Variants in FNDC3A observed in about 807,000 individuals in gnomAD.
FNDC3A encodes the protein fibronectin type III domain containing 3A.
A neutral mutation model predicts 148.9 loss-of-function variants in FNDC3A; 32 were observed. The observed-to-expected ratio is 0.21, with a 90% CI of 0.16 to 0.29. The LOEUF (loss-of-function observed/expected upper bound fraction) is 0.29. FNDC3A is among the 10% of genes least tolerant of loss of function. The pLI, the probability that FNDC3A is intolerant of heterozygous loss-of-function variation, is 1.00. For missense variants in FNDC3A, 1,191 were observed against 1,452.8 expected (o/e 0.82, Z 2.93); for synonymous variants, 472 against 473.6 (o/e 1.00, Z 0.04).
chr13:49,004,513 T>C (rs980021451), intron 1 of FNDC3A, among the ~76,000 whole-genome samples: 2 of 152,028 alleles, frequency 1.3e-5, no homozygotes, highest in Admixed American at 1.3e-4. Context: ...AAATATAGCA[T>C]GTGGCTCTAT....
chr13:49,049,206 T>A (rs1875641228), intron 2 of FNDC3A, among the ~76,000 whole-genome samples: 1 of 152,224 alleles, frequency 6.6e-6, no homozygotes, highest in Non-Finnish European at 1.5e-5. Flanking sequence ...TGGATTTGTT[T>A]AGCTAGTATT....
intron 14 of FNDC3A, among the ~76,000 whole-genome samples, chr13:49,180,822 G>C (rs965120082): frequency 3.3e-5 from 5 of 151,890 alleles, no homozygotes; most frequent in Non-Finnish European, 7.4e-5. Context: ...TTGAACCTGG[G>C]AGGCAAATGT....
intron 5 of FNDC3A, among the ~76,000 whole-genome samples, chr13:49,134,841 CTTTTTTTTT>C (rs1168216037): frequency 3.8e-4 from 1 of 2,636 alleles, no homozygotes; most frequent in African/African-American, 1.8e-3. Context: ...GAGTTTCACT[CTTTTTTTTT>C]TTTTTTTTTT....
chr13:49,144,462 A>T (rs1240788219), intron 7 of FNDC3A, among the ~76,000 whole-genome samples: 1 of 152,222 alleles, frequency 6.6e-6, no homozygotes, highest in Non-Finnish European at 1.5e-5. Flanking sequence ...TTAATTCAAG[A>T]TAGGAGTAAT....
At chr13:49,072,232 A>G (rs1441560965) in intron 2 of FNDC3A, among the ~76,000 whole-genome samples, 1 of 152,138 alleles carries the variant, frequency 6.6e-6, no homozygotes, top group Non-Finnish European at 1.5e-5. Flanking sequence ...TCTTCTGCCT[A>G]ATAGAAAACC....
intron 2 of FNDC3A, among the ~76,000 whole-genome samples, chr13:49,054,877 T>A (rs1230443270): frequency 6.6e-6 from 1 of 152,160 alleles, no homozygotes; most frequent in African/African-American, 2.4e-5. Flanking sequence ...TTTCTAACTT[T>A]ATTTTTTTTT....
At chr13:49,040,469 A>G (rs900830321) in intron 2 of FNDC3A, among the ~76,000 whole-genome samples, 1 of 152,340 alleles carries the variant, frequency 6.6e-6, no homozygotes, top group African/African-American at 2.4e-5. Context: ...AATGCCACCA[A>G]ATCTATTGCT....
intron 1 of FNDC3A, among the ~76,000 whole-genome samples, chr13:48,981,976 C>T (rs768353026): frequency 2.0e-5 from 3 of 151,994 alleles, no homozygotes; most frequent in African/African-American, 4.8e-5. Context: ...TATTCTAAAC[C>T]GACAGACACA....
intron 2 of FNDC3A, among the ~76,000 whole-genome samples, chr13:49,064,401 G>GCCC (rs58870053): frequency 1.2e-4 from 7 of 60,810 alleles, no homozygotes; most frequent in African/African-American, 2.2e-4. Flanking sequence ...ATTGCCCCCC[G>GCCC]CCCCCCCCCC....
intron 8 of FNDC3A, among the ~76,000 whole-genome samples, chr13:49,159,913 A>G (rs1373831027): frequency 6.6e-6 from 1 of 152,180 alleles, no homozygotes; most frequent in Non-Finnish European, 1.5e-5. Context: ...TATATGATGG[A>G]TTACGTTTAT....
At chr13:49,176,830 T>C (rs1885055431) in intron 13 of FNDC3A, among the ~76,000 whole-genome samples, 1 of 152,156 alleles carries the variant, frequency 6.6e-6, no homozygotes, top group Admixed American at 6.5e-5. Context: ...CAACAGGGTC[T>C]TGCTCTGTAG....
intron 3 of FNDC3A, among the ~76,000 whole-genome samples, chr13:49,098,147 A>C (rs1422557687): frequency 1.3e-5 from 2 of 152,126 alleles, no homozygotes; most frequent in Non-Finnish European, 2.9e-5. Context: ...TTGTATGGGC[A>C]ATCTATAATT....
intron 5 of FNDC3A, among the ~76,000 whole-genome samples, chr13:49,132,851 T>C (rs1472827491): frequency 6.6e-6 from 1 of 152,220 alleles, no homozygotes; most frequent in Non-Finnish European, 1.5e-5. Context: ...CACTGAACTT[T>C]GTATCTTTCA....
intron 10 of FNDC3A, among the ~76,000 whole-genome samples, 181 bp downstream of exon 10, chr13:49,168,932 A>G (rs182124226): frequency 3.0e-4 from 45 of 152,322 alleles, no homozygotes; most frequent in Admixed American, 2.5e-3. Context: ...TTTTCTTACT[A>G]TATGTAAATA....
chr13:48,984,003 A>T (rs1299972400), intron 1 of FNDC3A, among the ~76,000 whole-genome samples: 1 of 152,214 alleles, frequency 6.6e-6, no homozygotes, highest in Admixed American at 6.5e-5. Context: ...TAACAGAAAA[A>T]GATTTGTATT....
chr13:49,063,684 A>C (rs934104784), intron 2 of FNDC3A, among the ~76,000 whole-genome samples: 21 of 152,238 alleles, frequency 1.4e-4, no homozygotes, highest in African/African-American at 4.8e-4. Context: ...AAATATCTTT[A>C]AACAATTGCC....
intron 14 of FNDC3A, among the ~76,000 whole-genome samples, chr13:49,179,803 C>G (rs749634776): frequency 6.6e-6 from 1 of 152,170 alleles, no homozygotes; most frequent in South Asian, 2.1e-4. Context: ...CACAAGATTT[C>G]TAGTCTCATC....
intron 1 of FNDC3A, among the ~76,000 whole-genome samples, chr13:48,980,170 C>T (rs1258937053): frequency 6.6e-6 from 1 of 152,072 alleles, no homozygotes; most frequent in South Asian, 2.1e-4. Context: ...AAGTGAAAGA[C>T]GAAAAGCCTT....
chr13:49,151,788 A>G (rs139259055), intron 8 of FNDC3A, among the ~76,000 whole-genome samples: 2 of 152,024 alleles, frequency 1.3e-5, no homozygotes, highest in Non-Finnish European at 2.9e-5. Flanking sequence ...TCCAAGTGTT[A>G]TCATTGTTCA....
Sources: allele counts gnomAD v4.1 joint callset (sites outside exome capture counted in the v4.1 genomes callset), GRCh38; gene constraint gnomAD v4.1.1; transcripts MANE v1.5; gene names NCBI Gene and HGNC (gene_info 2026-07-23, HGNC 2026-07-21).